Variants in TMEM192 observed in about 807,000 individuals in gnomAD.
The protein encoded by TMEM192 is transmembrane protein 192.
A neutral mutation model predicts 26.7 loss-of-function variants in TMEM192; 20 were observed. That is an observed-to-expected ratio of 0.75 (90% CI 0.53 to 1.09). The LOEUF (loss-of-function observed/expected upper bound fraction) is 1.09, where lower values mean the gene tolerates loss of function less well. TMEM192 is among the 50% of genes least tolerant of loss of function. The pLI is 0.00. For missense variants in TMEM192, 304 were observed against 322.6 expected (o/e 0.94, Z 0.44); for synonymous variants, 124 against 121.0 (o/e 1.02, Z -0.16).
chr4:165,080,877 G>A (rs1734503636), intron 5 of TMEM192, among the ~76,000 whole-genome samples: 1 of 151,922 alleles, frequency 6.6e-6, no homozygotes, highest in Admixed American at 6.6e-5. Flanking sequence ...ACCATGCCCA[G>A]CTAATTTTTG....
At chr4:165,093,265 T>A (rs953790604) in intron 3 of TMEM192, among the ~76,000 whole-genome samples, 6 of 151,634 alleles carry the variant, frequency 4.0e-5, no homozygotes, top group Non-Finnish European at 8.8e-5. Flanking sequence ...CCTGGCTAAT[T>A]TTTGTGTTTT....
chr4:165,096,428 T>C (rs1409486969), intron 3 of TMEM192, among the ~76,000 whole-genome samples: 1 of 151,618 alleles, frequency 6.6e-6, no homozygotes, highest in East Asian at 1.9e-4. Context: ...TATATATATG[T>C]ATTTGGATCT....
intron 3 of TMEM192, among the ~76,000 whole-genome samples, chr4:165,097,476 A>G (rs1349428252): frequency 1.4e-5 from 2 of 143,922 alleles, no homozygotes; most frequent in Non-Finnish European, 3.0e-5. Context: ...CCTGGGTGAC[A>G]GAGCGAGACT....
At chr4:165,099,059 T>C (rs1262613768) in intron 3 of TMEM192, among the ~76,000 whole-genome samples, 1 of 151,732 alleles carries the variant, frequency 6.6e-6, no homozygotes, top group Non-Finnish European at 1.5e-5. Context: ...AGGATCTTTT[T>C]AAAAGGTAGA....
intron 1 of TMEM192, among the ~76,000 whole-genome samples, chr4:165,109,527 G>T (rs1160746740): frequency 1.3e-5 from 2 of 152,218 alleles, no homozygotes; most frequent in East Asian, 3.9e-4. Flanking sequence ...ACCATGCCCA[G>T]GTAATTTTTA....
At position 165,108,113 on chromosome 4, in the gene TMEM192, T is replaced by C. The variant is rs76438739; in HGVS notation, c.27+4634A>G. Among the ~76,000 whole-genome samples the C allele has an allele frequency of 2.5e-3, 6 of 2,378 alleles. No individual in the cohort carries two copies. In the East Asian group the frequency reaches 0.19, roughly 76 times the overall value. The allele number at this position is 2,378 out of a possible 152,430, so 1.6% of individuals were successfully genotyped here. A position where few individuals can be genotyped will look rare whatever the true frequency, so the allele number is the denominator to read the frequency against. On this transcript the variant is annotated intron_variant, in intron 1 of 5. Coordinates refer to ENST00000306480, the MANE Select transcript of TMEM192 (RefSeq NM_001100389.2). The stretch of plus-strand genomic sequence containing the variant: ...GGTGCTGGGTATTTTCTGTATTCCC[T>C]TTTTTTTTTTTTTTTTTTTTTTTTT...
intron 3 of TMEM192, among the ~76,000 whole-genome samples, chr4:165,089,328 CT>C (rs938986764): frequency 2.7e-5 from 4 of 150,396 alleles, no homozygotes; most frequent in Admixed American, 6.6e-5. Context: ...AAAGGGTTCT[CT>C]TTTTTTTTGG....
intron 1 of TMEM192, among the ~76,000 whole-genome samples, chr4:165,112,244 G>C (rs1395774498): frequency 6.6e-6 from 1 of 152,178 alleles, no homozygotes; most frequent in Non-Finnish European, 1.5e-5. Flanking sequence ...GCTGGCGCCC[G>C]GCCCGAGCGT....
Position 165,100,348 on chromosome 4 carries a change from C to T in TMEM192, c.439+280G>A, listed in dbSNP as rs374230128. On this transcript the variant is annotated intron_variant, in intron 3 of 5. Coordinates refer to ENST00000306480, the MANE Select transcript of TMEM192 (RefSeq NM_001100389.2). ...CTAATTTTTGTATTTTTAGTAGAGACGGGGTTTCACCATGTTGGCCAGGAT... is the reference window on the plus strand; with the variant it reads ...CTAATTTTTGTATTTTTAGTAGAGATGGGGTTTCACCATGTTGGCCAGGAT... Among the ~76,000 whole-genome samples the T allele has an allele frequency of 2.2e-4, 34 of 151,818 alleles. No homozygotes were observed. The East Asian group carries it at 3.9e-3, about 17-fold the overall frequency.
At chr4:165,092,065 G>C (rs1279781106) in intron 3 of TMEM192, among the ~76,000 whole-genome samples, 1 of 151,054 alleles carries the variant, frequency 6.6e-6, no homozygotes, top group Admixed American at 6.6e-5. Flanking sequence ...CTAAAAAATG[G>C]GGATAACAGT....
At position 165,088,582 on chromosome 4, in the gene TMEM192, T is replaced by G. The variant is rs780515394; in HGVS notation, c.460A>C (p.Ile154Leu). Reference protein sequence around the residue: ...QSSGNTVLLLILCMQHSFPEP... With the variant: ...QSSGNTVLLLLLCMQHSFPEP... ...GGGAAGGAGTGCTGCATGCACAGTA[T>G]GAGGAGAAGCACTGTGTTGCCTGAG... is the stretch of plus-strand genomic sequence containing the variant. The change falls in exon 4 of 6, where the codon ATA becomes CTA. Residue 154 changes from isoleucine to leucine, a missense_variant. Transcript: ENST00000306480. 4 of 1,612,940 alleles carry G rather than the reference T, an allele frequency of 2.5e-6. No individual in the cohort carries two copies. Among genetic ancestry groups the G allele is most frequent in the Non-Finnish European group, 2.5e-6 (3 of 1,179,518 alleles).
At chr4:165,080,421 A>G (rs1233641848) in intron 5 of TMEM192, among the ~76,000 whole-genome samples, 1 of 152,182 alleles carries the variant, frequency 6.6e-6, no homozygotes, top group Non-Finnish European at 1.5e-5. Flanking sequence ...AATTTAAGAT[A>G]TTAGTACTAG....
chr4:165,098,106 G>A (rs1734954537), intron 3 of TMEM192, among the ~76,000 whole-genome samples: 1 of 151,066 alleles, frequency 6.6e-6, no homozygotes, highest in Admixed American at 6.6e-5. Flanking sequence ...TAGCATTACA[G>A]GCATGAGCCA....
intron 5 of TMEM192, among the ~76,000 whole-genome samples, chr4:165,080,681 T>C (rs999064137): frequency 9.2e-5 from 14 of 152,146 alleles, no homozygotes; most frequent in Admixed American, 7.2e-4. Context: ...TTATAAATAA[T>C]GTGGTTACAG....
chr4:165,096,205 C>T (rs574514232), intron 3 of TMEM192, among the ~76,000 whole-genome samples: 1 of 151,766 alleles, frequency 6.6e-6, no homozygotes, highest in African/African-American at 2.4e-5. Context: ...GTTAGGAGTT[C>T]GAGACCAGCC....
At chr4:165,085,755 AT>A in intron 4 of TMEM192, 67 bp from the exon 5 acceptor site, 1 of 1,220,522 alleles carries the variant, frequency 8.2e-7, no homozygotes, top group Non-Finnish European at 1.2e-6. Flanking sequence ...TTTTCAAATT[AT>A]GCTAATTTGC....
In TMEM192 at chr4:165,103,004, G is replaced by C; in HGVS notation, c.120C>G (p.Pro40=). 1 of 1,613,394 alleles carries C rather than the reference G, an allele frequency of 6.2e-7. No homozygotes were observed. The highest frequency in any genetic ancestry group is 8.5e-7 in the Non-Finnish European group (1 of 1,179,718). ...PHHSLQAHFR[P]RFHPLPTVII... ...TGACTGTAGGAAGAGGATGGAATCG[G>C]GGTCTAAAGTGAGCTTGTAATGAGT... The change falls in exon 2 of 6, where the codon CCC becomes CCG. Residue 40 remains proline, a synonymous_variant. Coordinates refer to ENST00000306480, the MANE Select transcript of TMEM192 (RefSeq NM_001100389.2).
In TMEM192 at chr4:165,079,126, A is replaced by C. The variant is rs1396362536; in HGVS notation, c.*532T>G. The C allele has an allele frequency of 6.6e-6, 1 of 152,286 alleles. No homozygotes were observed. Among genetic ancestry groups the C allele is most frequent in the African/African-American group, 2.4e-5 (1 of 41,468 alleles). 9.4% of individuals were successfully genotyped at this position (152,286 alleles called of 1,614,324 possible). A position where few individuals can be genotyped will look rare whatever the true frequency, so the allele number is the denominator to read the frequency against. ...AGACCTCAGTCCTATGGTGAGAAAA[A>C]TTCTCTATAAAAGCTATATGGTCCA... On this transcript the variant is annotated 3_prime_UTR_variant, in exon 6 of 6. Coordinates refer to ENST00000306480, the MANE Select transcript of TMEM192 (RefSeq NM_001100389.2).
chr4:165,090,213 G>GAA (rs35732863), intron 3 of TMEM192, among the ~76,000 whole-genome samples: 2,178 of 52,130 alleles, frequency 0.042, 84 homozygotes, highest in East Asian at 0.058. Flanking sequence ...CTCCGTCTTG[G>GAA]AAAAAAAAAA....
Sources: allele counts gnomAD v4.1 joint callset (sites outside exome capture counted in the v4.1 genomes callset), GRCh38; gene constraint gnomAD v4.1.1; transcripts MANE v1.5; gene names NCBI Gene and HGNC (gene_info 2026-07-23, HGNC 2026-07-21).